The following DENND1A variants were observed in gnomAD, a reference collection of about 807,000 sequenced individuals.
DENND1A encodes the protein DENN domain containing 1A.
DENND1A carries 51 observed loss-of-function variants against 113.7 expected under a neutral mutation model. The observed-to-expected ratio is 0.45, with a 90% CI of 0.36 to 0.57. DENND1A has a LOEUF of 0.57. Among genes scored for constraint, DENND1A ranks in the 20% least tolerant of loss-of-function variants. The pLI, the probability that DENND1A is intolerant of heterozygous loss-of-function variation, is 0.00. For missense variants in DENND1A, 1,258 were observed against 1,395.9 expected, an observed-to-expected ratio of 0.90 and a Z score of 1.57; for synonymous variants, 565 against 570.8, an observed-to-expected ratio of 0.99 and a Z score of 0.14.
In DENND1A at chr9:123,382,554, G is replaced by A. The variant is rs954877271; in HGVS notation, c.2091C>T (p.Asn697=). ...TVALKLTHPY[N]KLWSLGQDDM... ...CGTCCTGGCCCAGGCTCCAGAGCTT[G>A]TTGTACGGGTGGGTAAGCTTCAAGG... Residue 697 remains asparagine, a synonymous_variant, in exon 24 of 24, where the codon AAC becomes AAT. Coordinates refer to ENST00000394215, the MANE Select transcript of DENND1A (RefSeq NM_001352964.2). 4 of 1,613,970 alleles carry A rather than the reference G, an allele frequency of 2.5e-6. No homozygotes were observed. Among genetic ancestry groups the A allele is most frequent in the Non-Finnish European group, 3.4e-6 (4 of 1,180,014 alleles).
chr9:123,446,012 A>G (rs2132518783), intron 18 of DENND1A, among the ~76,000 whole-genome samples: 1 of 152,370 alleles, frequency 6.6e-6, no homozygotes, highest in Middle Eastern at 3.4e-3. Flanking sequence ...CAGATGAGAA[A>G]AACTAGGTTC....
intron 1 of DENND1A, among the ~76,000 whole-genome samples, chr9:123,916,046 G>T (rs1304476537): frequency 6.6e-6 from 1 of 151,902 alleles, no homozygotes; most frequent in Non-Finnish European, 1.5e-5. Flanking sequence ...TATCGCAATG[G>T]TATAATGGTA....
intron 13 of DENND1A, among the ~76,000 whole-genome samples, chr9:123,520,872 T>C (rs1032047390): frequency 6.6e-6 from 1 of 152,254 alleles, no homozygotes; most frequent in Non-Finnish European, 1.5e-5. Flanking sequence ...CATCAGGGTT[T>C]AATGTAGATT....
chr9:123,918,340 T>A (rs1416154536), intron 1 of DENND1A, among the ~76,000 whole-genome samples: 1 of 150,896 alleles, frequency 6.6e-6, no homozygotes, highest in Non-Finnish European at 1.5e-5. Context: ...TACAAAAAAT[T>A]AGCCGGGCGT....
At position 123,831,632 on chromosome 9, in the gene DENND1A, T is replaced by C. The variant is rs377004802; in HGVS notation, c.89-39002A>G. Among the ~76,000 whole-genome samples, 13 of 152,322 alleles carry C rather than the reference T, an allele frequency of 8.5e-5. No homozygotes were observed. In the East Asian group the frequency reaches 1.3e-3, roughly 16 times the overall value. ...AGAGACCCCTGCATACATGGACATT[T>C]GATTAATGAAAGTGGCAATGTGGAA... On this transcript the variant is annotated intron_variant, in intron 2 of 23. Coordinates refer to ENST00000394215, the MANE Select transcript of DENND1A (RefSeq NM_001352964.2).
In DENND1A at chr9:123,787,579, C is replaced by T. The variant is rs145853682; in HGVS notation, c.132+5008G>A. ...TAAGAAATGTTTTGCATGGAGCATA[C>T]CTCAAGCATGAACAGATGAAAACTC... On this transcript the variant is annotated intron_variant, in intron 3 of 23. Coordinates refer to ENST00000394215, the MANE Select transcript of DENND1A (RefSeq NM_001352964.2). 5.9e-4 allele frequency among the ~76,000 whole-genome samples: 90 copies of T among 152,260 alleles called. No individual in the cohort carries two copies. The Middle Eastern group carries it at 0.01, about 17-fold the overall frequency.
At chr9:123,507,715 C>T (rs907159230) in intron 13 of DENND1A, among the ~76,000 whole-genome samples, 27 of 150,844 alleles carry the variant, frequency 1.8e-4, no homozygotes, top group African/African-American at 6.1e-4. Context: ...ATTAGCCAGG[C>T]GTGGTTGCAG....
At chr9:123,918,226 T>A (rs556300849) in intron 1 of DENND1A, among the ~76,000 whole-genome samples, 2 of 150,176 alleles carry the variant, frequency 1.3e-5, no homozygotes, top group Non-Finnish European at 3.0e-5. Flanking sequence ...TGGTGGCTCA[T>A]GCCTGTAATT....
intron 18 of DENND1A, among the ~76,000 whole-genome samples, chr9:123,442,152 C>T (rs2132403254): frequency 6.6e-6 from 1 of 152,336 alleles, no homozygotes; most frequent in Non-Finnish European, 1.5e-5. Context: ...TGACCTCACA[C>T]ATCCAGCTGC....
chr9:123,525,758 C>CTTTT (rs34055700), intron 13 of DENND1A, among the ~76,000 whole-genome samples: 21 of 129,824 alleles, frequency 1.6e-4, no homozygotes, highest in South Asian at 4.9e-4. Context: ...TGCAGTCTAC[C>CTTTT]TTTTTTTTTT....
chr9:123,562,165 T>C (rs760865240), intron 12 of DENND1A, among the ~76,000 whole-genome samples: 79 of 152,106 alleles, frequency 5.2e-4, no homozygotes, highest in Non-Finnish European at 9.1e-4. Flanking sequence ...CAGAAAAACA[T>C]CCAAACTTCC....
intron 15 of DENND1A, among the ~76,000 whole-genome samples, chr9:123,456,337 C>T (rs372098203): frequency 2.8e-5 from 4 of 140,366 alleles, no homozygotes; most frequent in African/African-American, 4.9e-5. Context: ...GTTTTGCCTT[C>T]GCTGCCAAAG....
intron 11 of DENND1A, 122 bp downstream of exon 11, chr9:123,609,314 G>C (rs1245405035): frequency 5.7e-6 from 6 of 1,043,482 alleles, no homozygotes; most frequent in Non-Finnish European, 8.5e-6. Flanking sequence ...TACGCTGGGA[G>C]GTGCTGCTTC....
chr9:123,499,517 T>C (rs772299252), intron 13 of DENND1A, among the ~76,000 whole-genome samples: 2 of 152,234 alleles, frequency 1.3e-5, no homozygotes, highest in Non-Finnish European at 2.9e-5. Flanking sequence ...TCACTTTATA[T>C]ATATTAACTC....
At chr9:123,590,100 C>T (rs2059387116) in intron 11 of DENND1A, among the ~76,000 whole-genome samples, 1 of 152,196 alleles carries the variant, frequency 6.6e-6, no homozygotes, top group South Asian at 2.1e-4. Context: ...CTCTTGCCTG[C>T]CCGTCCCCTC....
chr9:123,653,687 C>A (rs1162175821), intron 8 of DENND1A, among the ~76,000 whole-genome samples: 1 of 151,698 alleles, frequency 6.6e-6, no homozygotes, highest in Non-Finnish European at 1.5e-5. Context: ...TTATTCCACA[C>A]AAAATTGTAG....
chr9:123,536,015 T>C (rs1399193177), intron 13 of DENND1A, among the ~76,000 whole-genome samples: 1 of 152,016 alleles, frequency 6.6e-6, no homozygotes, highest in Non-Finnish European at 1.5e-5. Context: ...TCTTCAAACC[T>C]CCACATAAAA....
intron 3 of DENND1A, 36 bp downstream of exon 3, chr9:123,792,551 T>C: frequency 6.2e-7 from 1 of 1,606,972 alleles, no homozygotes; most frequent in Non-Finnish European, 8.5e-7. Context: ...CTGAAATAAA[T>C]TTTGTCATGT....
intron 13 of DENND1A, among the ~76,000 whole-genome samples, chr9:123,464,994 CAAAAA>C (rs10655282): frequency 1.1e-4 from 8 of 70,560 alleles, no homozygotes; most frequent in South Asian, 1.2e-3. Flanking sequence ...ACTAAAAATA[CAAAAA>C]AAAAAAAAAA....
Sources: allele counts gnomAD v4.1 joint callset (sites outside exome capture counted in the v4.1 genomes callset), GRCh38; gene constraint gnomAD v4.1.1; transcripts MANE v1.5; gene names NCBI Gene and HGNC (gene_info 2026-07-23, HGNC 2026-07-21).